The following ZNF804B variants were observed in gnomAD, a reference collection of about 807,000 sequenced individuals.
ZNF804B encodes zinc finger 804B.
In ZNF804B, 80 loss-of-function variants were observed where a neutral mutation model predicts 101.4. The observed-to-expected ratio is 0.79, with a 90% CI of 0.66 to 0.95. ZNF804B has a LOEUF of 0.95. Ranked by LOEUF, ZNF804B falls within the 40% of genes least tolerant of loss-of-function variation. The pLI is 0.00. For missense variants in ZNF804B, 1,673 were observed against 1,561.9 expected (o/e 1.07, Z -1.20); for synonymous variants, 622 against 558.8 (o/e 1.11, Z -1.59).
intron 1 of ZNF804B, among the ~76,000 whole-genome samples, chr7:88,828,904 A>C (rs2115777444): frequency 6.6e-6 from 1 of 152,198 alleles, no homozygotes; most frequent in Middle Eastern, 3.4e-3. Flanking sequence ...CTTACAGATA[A>C]TATCTTCTGT....
rs370253184 is a variant in ZNF804B, at chr7:88,853,836, G to T, written c.108+93752G>T. ...AGATGGTATGACCTTCTTGAAAATA[G>T]ATTATGCTTACTTAATTCTAACATT... is the stretch of plus-strand genomic sequence containing the variant. On this transcript the variant is annotated intron_variant, in intron 1 of 3. Transcript: ENST00000333190. Among the ~76,000 whole-genome samples, 8 of 152,160 alleles carry T rather than the reference G, an allele frequency of 5.3e-5. No individual in the cohort carries two copies. In the South Asian group the frequency reaches 1.7e-3, roughly 32 times the overall value.
chr7:89,287,855 A>G (rs1165325095), intron 2 of ZNF804B, among the ~76,000 whole-genome samples: 1 of 152,144 alleles, frequency 6.6e-6, no homozygotes, highest in African/African-American at 2.4e-5. Flanking sequence ...AACAATGCTA[A>G]AATAAGCTTT....
chr7:89,265,303 C>CGCGCACGT (rs1554386427), intron 2 of ZNF804B, among the ~76,000 whole-genome samples: 11 of 135,886 alleles, frequency 8.1e-5, no homozygotes, highest in African/African-American at 2.8e-4. Context: ...TGCGCGTGCG[C>CGCGCACGT]GCGCGCACAC....
chr7:89,322,635 T>C (rs1790836989), intron 2 of ZNF804B, among the ~76,000 whole-genome samples: 1 of 152,086 alleles, frequency 6.6e-6, no homozygotes, highest in African/African-American at 2.4e-5. Flanking sequence ...AAGAAAATTT[T>C]TGGAACAATG....
chr7:89,090,144 A>G (rs1789861339), intron 1 of ZNF804B, among the ~76,000 whole-genome samples: 1 of 152,074 alleles, frequency 6.6e-6, no homozygotes, highest in Non-Finnish European at 1.5e-5. Context: ...ATAATAGATA[A>G]CATTTATGTT....
intron 2 of ZNF804B, among the ~76,000 whole-genome samples, chr7:89,260,007 A>G (rs1018380993): frequency 1.3e-5 from 2 of 151,756 alleles, no homozygotes; most frequent in African/African-American, 2.4e-5. Flanking sequence ...AGAGAGAGAG[A>G]GGGAGAGAGG....
chr7:88,863,513 A>C (rs1374167750), intron 1 of ZNF804B, among the ~76,000 whole-genome samples: 2 of 152,256 alleles, frequency 1.3e-5, no homozygotes, highest in Admixed American at 6.5e-5. Flanking sequence ...CAAAAGACAA[A>C]GAAGCCCTAT....
chr7:89,089,444 G>T (rs954081393), intron 1 of ZNF804B, among the ~76,000 whole-genome samples: 2 of 151,784 alleles, frequency 1.3e-5, no homozygotes, highest in African/African-American at 4.8e-5. Flanking sequence ...ATTAACCTTT[G>T]GCAGCAAATG....
intron 1 of ZNF804B, among the ~76,000 whole-genome samples, chr7:88,800,692 TTGTGTGTGTGTGTGTGTGTGTG>T (rs6150209): frequency 6.8e-6 from 1 of 146,600 alleles, no homozygotes; most frequent in African/African-American, 2.5e-5. Context: ...TAGATATGAT[TTGTGTGTGTGTGTGTGTGTGTG>T]TGTGTGTGTG....
At chr7:89,270,866 T>C (rs1454383477) in intron 2 of ZNF804B, among the ~76,000 whole-genome samples, 2 of 152,176 alleles carry the variant, frequency 1.3e-5, no homozygotes, top group Admixed American at 6.5e-5. Context: ...GGCTCTCTGT[T>C]TGTCTGTTAT....
rs138803677 is a variant in ZNF804B at position 88,908,876 on chromosome 7, A to G, written c.108+148792A>G. 9.9e-5 allele frequency among the ~76,000 whole-genome samples: 15 copies of G among 151,902 alleles called. No homozygotes were observed. In the East Asian group the frequency reaches 2.9e-3, roughly 29 times the overall value. Reference sequence around the variant, plus strand: ...AAGTTTGCTTCTCTTTGAACATTTCAGTTTATTTTTTCTAAGAAATGATTA... The same window carrying G: ...AAGTTTGCTTCTCTTTGAACATTTCGGTTTATTTTTTCTAAGAAATGATTA... On this transcript the variant is annotated intron_variant, in intron 1 of 3. Transcript: ENST00000333190.
rs56693128 is a variant in ZNF804B, at chr7:89,103,048, G to GTTTTTTTTT, written c.109-115080_109-115072dup. 1.0e-3 allele frequency among the ~76,000 whole-genome samples: 34 copies of GTTTTTTTTT among 33,750 alleles called. 9 individuals carry two copies. Among genetic ancestry groups the GTTTTTTTTT allele is most frequent in the East Asian group, 6.1e-3 (4 of 660 alleles). The allele number at this position is 33,750 out of a possible 152,430, so 22.1% of individuals were successfully genotyped here. On this transcript the variant is annotated intron_variant, in intron 1 of 3. Transcript: ENST00000333190. The stretch of plus-strand genomic sequence containing the variant: ...TTCTATTCCATTGACCTATGTGTCT[G>GTTTTTTTTT]TTTTTTTTTTTTTTTTTTTTTTTTT...
chr7:89,276,181 G>T (rs1372995331), intron 2 of ZNF804B, among the ~76,000 whole-genome samples: 4 of 151,754 alleles, frequency 2.6e-5, no homozygotes, highest in African/African-American at 9.7e-5. Context: ...AGGGTGTGAG[G>T]GTAGGGAGAG....
chr7:89,036,620 G>T (rs1788932490), intron 1 of ZNF804B, among the ~76,000 whole-genome samples: 2 of 152,114 alleles, frequency 1.3e-5, no homozygotes, highest in African/African-American at 4.8e-5. Context: ...TACAGAAACT[G>T]AGACCTTAGT....
chr7:89,291,871 T>C (rs1790296967), intron 2 of ZNF804B, among the ~76,000 whole-genome samples: 1 of 152,028 alleles, frequency 6.6e-6, no homozygotes, highest in Non-Finnish European at 1.5e-5. Flanking sequence ...AAGGAAAGGA[T>C]CCTAAAAGCA....
At chr7:88,805,069 G>C (rs953832374) in intron 1 of ZNF804B, among the ~76,000 whole-genome samples, 1 of 152,044 alleles carries the variant, frequency 6.6e-6, no homozygotes, top group African/African-American at 2.4e-5. Flanking sequence ...GAAGTTGTAG[G>C]AATCTGAATT....
chr7:88,779,933 CA>C (rs1790197658), intron 1 of ZNF804B, among the ~76,000 whole-genome samples: 1 of 152,122 alleles, frequency 6.6e-6, no homozygotes, highest in South Asian at 2.1e-4. Context: ...AGAAGATACT[CA>C]AAAAACTGTC....
chr7:89,258,909 G>A (rs1320595578), intron 2 of ZNF804B, among the ~76,000 whole-genome samples: 1 of 152,046 alleles, frequency 6.6e-6, no homozygotes, highest in African/African-American at 2.4e-5. Context: ...TGAAGGAGGT[G>A]GAAGAGGAGG....
At chr7:89,140,693 G>A (rs1309330235) in intron 1 of ZNF804B, among the ~76,000 whole-genome samples, 1 of 152,048 alleles carries the variant, frequency 6.6e-6, no homozygotes, top group Non-Finnish European at 1.5e-5. Flanking sequence ...TTATGGCCTT[G>A]CTCTAGATTG....
Sources: allele counts gnomAD v4.1 joint callset (sites outside exome capture counted in the v4.1 genomes callset), GRCh38; gene constraint gnomAD v4.1.1; transcripts MANE v1.5; gene names NCBI Gene and HGNC (gene_info 2026-07-23, HGNC 2026-07-21).